TAF4B: variants seen among roughly 807,000 people sequenced by gnomAD.
TAF4B encodes TATA-box binding protein associated factor 4b.
TAF4B carries 38 observed loss-of-function variants against 86.4 expected under a neutral mutation model. The ratio of observed to expected loss-of-function variants is 0.44; its 90% confidence interval spans 0.34 to 0.58. The LOEUF is 0.58. Ranked by LOEUF, TAF4B falls within the 20% of genes least tolerant of loss-of-function variation. The pLI is 0.02. For missense variants in TAF4B, 988 were observed against 1,027.6 expected (o/e 0.96, Z 0.53); for synonymous variants, 388 against 391.2 (o/e 0.99, Z 0.10).
At chr18:26,241,542 G>A (rs2055838854) in intron 1 of TAF4B, among the ~76,000 whole-genome samples, 1 of 152,106 alleles carries the variant, frequency 6.6e-6, no homozygotes, top group South Asian at 2.1e-4. Flanking sequence ...CCAGCTCCTG[G>A]ATTCTTTGAT....
intron 5 of TAF4B, among the ~76,000 whole-genome samples, chr18:26,281,280 T>A (rs939417452): frequency 1.3e-5 from 2 of 152,112 alleles, no homozygotes; most frequent in African/African-American, 2.4e-5. Context: ...ATTTTTTTTT[T>A]AATCTAAGAT....
intron 13 of TAF4B, among the ~76,000 whole-genome samples, chr18:26,337,241 C>G (rs1311001598): frequency 6.6e-6 from 1 of 152,120 alleles, no homozygotes; most frequent in African/African-American, 2.4e-5. Flanking sequence ...CAGAGCCACT[C>G]TGTTTTGCAA....
chr18:26,314,469 A>G (rs903258786), intron 9 of TAF4B, among the ~76,000 whole-genome samples: 1 of 152,136 alleles, frequency 6.6e-6, no homozygotes, highest in Non-Finnish European at 1.5e-5. Context: ...TTTTATGCAC[A>G]TGTATGTATG....
chr18:26,315,313 T>G lies in TAF4B; in HGVS notation c.1917T>G (p.Ser639=). 2 of 1,613,852 alleles carry G rather than the reference T, an allele frequency of 1.2e-6. No homozygotes were observed. The highest frequency in any genetic ancestry group is 1.7e-6 in the Non-Finnish European group (2 of 1,179,972). ...EENACILATN[S]ELVGTLIQSC... is the part of the protein sequence containing the mutation. ...ATGCCTGCATCTTAGCAACAAACTC[T>G]GAATTGGTTGGCACACTCATTCAGT... Residue 639 remains serine, a synonymous_variant, in exon 10 of 15, where the codon TCT becomes TCG. Coordinates refer to ENST00000269142, the MANE Select transcript of TAF4B (RefSeq NM_005640.3).
At chr18:26,304,416 A>T (rs547986795) in intron 9 of TAF4B, among the ~76,000 whole-genome samples, 3 of 152,344 alleles carry the variant, frequency 2.0e-5, no homozygotes, top group Admixed American at 6.5e-5. Flanking sequence ...AACTATTTTT[A>T]AAAATGACTG....
At chr18:26,281,286 A>G (rs2056446075) in intron 5 of TAF4B, among the ~76,000 whole-genome samples, 1 of 152,188 alleles carries the variant, frequency 6.6e-6, no homozygotes, top group Middle Eastern at 3.4e-3. Flanking sequence ...TTTTTAATCT[A>G]AGATCATAGT....
chr18:26,289,488 G>A (rs886419659), intron 7 of TAF4B, among the ~76,000 whole-genome samples: 3 of 151,758 alleles, frequency 2.0e-5, no homozygotes, highest in Admixed American at 6.6e-5. Flanking sequence ...GTTTTGTTTC[G>A]TTTCGCTTTG....
intron 7 of TAF4B, among the ~76,000 whole-genome samples, chr18:26,288,440 G>A (rs905770492): frequency 3.9e-5 from 6 of 152,078 alleles, no homozygotes; most frequent in Non-Finnish European, 8.8e-5. Context: ...TTTGAGACCA[G>A]CCTGCCCAAC....
At chr18:26,266,438 C>T (rs1338396507) in intron 2 of TAF4B, among the ~76,000 whole-genome samples, 1 of 151,976 alleles carries the variant, frequency 6.6e-6, no homozygotes, top group Non-Finnish European at 1.5e-5. Flanking sequence ...TTGTATCTTA[C>T]AGAAATTATC....
intron 14 of TAF4B, among the ~76,000 whole-genome samples, chr18:26,362,307 A>G (rs2057338365): frequency 6.6e-6 from 1 of 152,206 alleles, no homozygotes; most frequent in African/African-American, 2.4e-5. Context: ...GTCTCAAGTA[A>G]GTGCTTAATG....
At chr18:26,256,969 A>G (rs2056094574) in intron 1 of TAF4B, among the ~76,000 whole-genome samples, 1 of 152,202 alleles carries the variant, frequency 6.6e-6, no homozygotes, top group Non-Finnish European at 1.5e-5. Flanking sequence ...CCAACCTAAT[A>G]TAATTTCAAT....
At chr18:26,242,813 G>A (rs1176496504) in intron 1 of TAF4B, among the ~76,000 whole-genome samples, 1 of 152,198 alleles carries the variant, frequency 6.6e-6, no homozygotes, top group Admixed American at 6.5e-5. Flanking sequence ...TTGTTTGTCT[G>A]TAAAGGATTT....
At chr18:26,335,070 A>G in intron 12 of TAF4B, 105 bp from the exon 13 acceptor site, 2 of 826,464 alleles carry the variant, frequency 2.4e-6, no homozygotes, top group Non-Finnish European at 1.9e-6. Flanking sequence ...CCTGGAGCTA[A>G]GATATTCAAT....
At chr18:26,347,487 A>G (rs1184727847) in intron 13 of TAF4B, among the ~76,000 whole-genome samples, 1 of 152,234 alleles carries the variant, frequency 6.6e-6, no homozygotes, top group African/African-American at 2.4e-5. Context: ...ATCCACCTAC[A>G]CAAATACTAA....
At chr18:26,257,842 CGTGTGTGTGTGTGTGTGTGTGTGTGT>C (rs57275139) in intron 1 of TAF4B, among the ~76,000 whole-genome samples, 1 of 141,530 alleles carries the variant, frequency 7.1e-6, no homozygotes, top group South Asian at 2.4e-4. Context: ...CCTCTGCGTG[CGTGTGTGTGTGTGTGTGTGTGTGTGT>C]GTGTGTGTGT....
chr18:26,382,359 AATTTACTGCCTTTCAGAATTC>A (rs1437929523), intron 14 of TAF4B, among the ~76,000 whole-genome samples: 6 of 152,174 alleles, frequency 3.9e-5, no homozygotes, highest in Non-Finnish European at 7.3e-5. Context: ...GGAAATAATC[AATTTACTGCCTTTCAGAATTC>A]ACTGTTTATT....
chr18:26,256,027 C>CAGTTT (rs1203245541), intron 1 of TAF4B: 1 of 1,257,066 alleles, frequency 8.0e-7, no homozygotes, highest in Non-Finnish European at 1.2e-6. Flanking sequence ...ATTCCTTCTG[C>CAGTTT]AGTTTACTGA....
intron 11 of TAF4B, among the ~76,000 whole-genome samples, chr18:26,324,056 A>G (rs2056984558): frequency 6.6e-6 from 1 of 152,096 alleles, no homozygotes. Context: ...CGTTTTGGAT[A>G]TATTTAGATA....
In TAF4B at chr18:26,227,076, C is replaced by T. The variant is rs775578058; in HGVS notation, c.143C>T (p.Ala48Val). 2 of 1,605,710 alleles carry T rather than the reference C, an allele frequency of 1.2e-6. No homozygotes were observed. Among genetic ancestry groups the T allele is most frequent in the South Asian group, 2.2e-5 (2 of 90,584 alleles). ...GTGGCCCTGGGCGCCGTGACTAAGG[C>T]TCCTGTCAGCGTCTGCGTGGAGCCC... Reference protein sequence around the residue: ...TPVALGAVTKAPVSVCVEPTA... With the variant: ...TPVALGAVTKVPVSVCVEPTA... Residue 48 changes from alanine to valine, a missense_variant, in exon 1 of 15, where the codon GCT becomes GTT. Ala to Val is a moderately conservative substitution (Grantham distance 64). Transcript: ENST00000269142.
Sources: gnomAD v4.1 joint callset for allele counts (sites outside exome capture counted in the v4.1 genomes callset) on GRCh38, gnomAD v4.1.1 for gene constraint, MANE v1.5 for transcripts, NCBI Gene and HGNC (gene_info 2026-07-23, HGNC 2026-07-21) for gene names.